Variants in PHC2 observed in about 807,000 individuals in gnomAD.
The protein encoded by PHC2 is polyhomeotic homolog 2.
PHC2 carries 29 observed loss-of-function variants against 87.4 expected under a neutral mutation model. That is an observed-to-expected ratio of 0.33 (90% CI 0.25 to 0.45). PHC2 has a LOEUF of 0.45. PHC2 is among the 20% of genes least tolerant of loss of function. The pLI is 1.00. For missense variants in PHC2, 857 were observed against 1,136.7 expected (o/e 0.75, Z 3.54); for synonymous variants, 438 against 461.7 (o/e 0.95, Z 0.66).
intron 1 of PHC2, among the ~76,000 whole-genome samples, chr1:33,400,408 A>T (rs112484581): frequency 6.6e-6 from 1 of 152,238 alleles, no homozygotes; most frequent in Admixed American, 6.5e-5. Flanking sequence ...CAGTACTAGG[A>T]GTAATAATAG....
chr1:33,341,916 A>C (rs1290562694), intron 9 of PHC2, among the ~76,000 whole-genome samples: 3 of 152,252 alleles, frequency 2.0e-5, no homozygotes, highest in African/African-American at 7.2e-5. Context: ...AAATCTGCTA[A>C]GGGCAGAGCT....
At chr1:33,387,353 T>C (rs1426515640) in intron 1 of PHC2, among the ~76,000 whole-genome samples, 1 of 152,070 alleles carries the variant, frequency 6.6e-6, no homozygotes, top group African/African-American at 2.4e-5. Flanking sequence ...TCCCTTGGAG[T>C]TTCCCTTTAC....
In PHC2 at chr1:33,364,065, A is replaced by G; in HGVS notation, c.976+3051T>C. The G allele has an allele frequency of 4.3e-6, 1 of 233,078 alleles. No homozygotes were observed. The highest frequency in any genetic ancestry group is 7.0e-6 in the Non-Finnish European group (1 of 141,996). The allele number at this position is 233,078 out of a possible 1,614,324, so 14.4% of individuals were successfully genotyped here. A position where few individuals can be genotyped will look rare whatever the true frequency, so the allele number is the denominator to read the frequency against. ...CTTTTCTATTTGCAGAGCCTGAAGA[A>G]GCCGGTTGCCAAGGTGACAGGAGCA... On this transcript the variant is annotated intron_variant, in intron 7 of 14. Transcript: ENST00000683057. This position sits in a 1 kb window ranked among gnomAD's most constrained non-coding sequence, Gnocchi z 4.1.
intron 5 of PHC2, among the ~76,000 whole-genome samples, 156 bp downstream of exon 5, chr1:33,370,265 A>G (rs1323059701): frequency 1.3e-5 from 2 of 151,872 alleles, no homozygotes; most frequent in African/African-American, 4.8e-5. Flanking sequence ...CAAAGCTCCC[A>G]CTCAGCCTTC....
chr1:33,398,272 G>T (rs565367732), intron 1 of PHC2, among the ~76,000 whole-genome samples: 122 of 152,318 alleles, frequency 8.0e-4, no homozygotes, highest in South Asian at 1.9e-3. Context: ...GTGTAATTAT[G>T]ATTTAAACCC....
At chr1:33,388,444 C>A (rs1220464686) in intron 1 of PHC2, among the ~76,000 whole-genome samples, 3 of 152,038 alleles carry the variant, frequency 2.0e-5, no homozygotes, top group Non-Finnish European at 2.9e-5. Flanking sequence ...CTGCCTCAGC[C>A]TCCCGAGTAG....
chr1:33,360,305 T>C (rs549116830), intron 7 of PHC2, among the ~76,000 whole-genome samples: 14 of 152,392 alleles, frequency 9.2e-5, no homozygotes, highest in African/African-American at 3.4e-4. Context: ...GTGTACAGGA[T>C]ACTTTGCTAA....
chr1:33,349,685 G>T lies in PHC2; in HGVS notation c.1558+4716C>A, dbSNP rs1348489765. ...CTCGCGCGGGGTCCCGGGCCCGGGC[G>T]GGCCGCCTCCTCTCCGCCGGGAGCC... On this transcript the variant is annotated intron_variant, in intron 9 of 14. Transcript: ENST00000683057. The surrounding 1 kb of genome is among the most constrained non-coding windows in gnomAD (Gnocchi z 4.2). 2.0e-6 allele frequency: 2 copies of T among 984,334 alleles called. No homozygotes were observed. The highest frequency in any genetic ancestry group is 6.2e-5 in the Admixed American group (1 of 16,010). The allele number at this position is 984,334 out of a possible 1,614,324, so 61.0% of individuals were successfully genotyped here.
At chr1:33,397,886 C>T (rs1649359045) in intron 1 of PHC2, among the ~76,000 whole-genome samples, 1 of 152,156 alleles carries the variant, frequency 6.6e-6, no homozygotes, top group Non-Finnish European at 1.5e-5. Flanking sequence ...CACAAGAAAT[C>T]GCAGACAGTG....
At chr1:33,380,162 T>C (rs1329239466) in intron 1 of PHC2, among the ~76,000 whole-genome samples, 1 of 152,244 alleles carries the variant, frequency 6.6e-6, no homozygotes, top group African/African-American at 2.4e-5. Flanking sequence ...CAATCACTTA[T>C]GTAAAGGATA....
intron 1 of PHC2, among the ~76,000 whole-genome samples, chr1:33,423,820 C>G (rs894994301): frequency 4.6e-5 from 7 of 152,048 alleles, no homozygotes; most frequent in African/African-American, 1.7e-4. Flanking sequence ...CTGAATAAGG[C>G]CGGGCACATG....
chr1:33,412,953 TTTTG>T (rs1469330542), intron 1 of PHC2, among the ~76,000 whole-genome samples: 10 of 151,748 alleles, frequency 6.6e-5, no homozygotes, highest in Admixed American at 2.0e-4. Flanking sequence ...CTTGTTTTTT[TTTTG>T]TTTGTTTGTT....
intron 1 of PHC2, among the ~76,000 whole-genome samples, chr1:33,410,951 G>C (rs1304235603): frequency 6.6e-6 from 1 of 152,038 alleles, no homozygotes; most frequent in Non-Finnish European, 1.5e-5. Context: ...ACTAACTATG[G>C]GGGTCCTTGT....
intron 7 of PHC2, among the ~76,000 whole-genome samples, chr1:33,356,785 C>T (rs926381507): frequency 3.3e-5 from 5 of 152,144 alleles, no homozygotes; most frequent in Admixed American, 2.0e-4. Context: ...CATCATGGCC[C>T]GTTCTCAATG....
chr1:33,325,966 A>G (rs1646362430), intron 14 of PHC2: 1 of 447,360 alleles, frequency 2.2e-6, no homozygotes, highest in African/African-American at 2.0e-5. Flanking sequence ...GGAGGCCTAA[A>G]GGAAAGTGAG....
At position 33,325,039 on chromosome 1, in the gene PHC2, G is replaced by C; in HGVS notation, c.2426-20C>G. On this transcript the variant is annotated intron_variant, in intron 14 of 14. Coordinates refer to ENST00000683057, the MANE Select transcript of PHC2 (RefSeq NM_001385109.1). ...GGCAGCCTGAGGGGGTACCACCAAA[G>C]ACAGTGTCAATCCAAGCCGCCAGTG... is the stretch of plus-strand genomic sequence containing the variant. 1 of 1,593,324 alleles carries C rather than the reference G, an allele frequency of 6.3e-7. No individual in the cohort carries two copies. Among genetic ancestry groups the C allele is most frequent in the Non-Finnish European group, 8.6e-7 (1 of 1,165,922 alleles).
Position 33,329,072 on chromosome 1 carries a change from G to A in PHC2, c.2223C>T (p.Cys741=). 6.2e-7 allele frequency: 1 copy of A among 1,614,204 alleles called. No homozygotes were observed. Among genetic ancestry groups the A allele is most frequent in the Middle Eastern group, 1.7e-4 (1 of 6,058 alleles). The change falls in exon 14 of 15, where the codon TGC becomes TGT. Residue 741 remains cysteine, a synonymous_variant. Coordinates refer to ENST00000683057, the MANE Select transcript of PHC2 (RefSeq NM_001385109.1). ...GTTCCTCATAGCTTGAGTTATCTGA[G>A]CAACGGCTGGAGTCTTCCTGGCTGT... The part of the protein sequence containing the change: ...LTHSQEDSSR[C]SDNSSYEEPL...
At chr1:33,425,698 C>G (rs1650641055) in intron 1 of PHC2, among the ~76,000 whole-genome samples, 1 of 152,176 alleles carries the variant, frequency 6.6e-6, no homozygotes, top group South Asian at 2.1e-4. Flanking sequence ...ATTTGTTACA[C>G]AGCAGTGGAT....
Position 33,349,958 on chromosome 1 carries a change from G to T in PHC2, c.1558+4443C>A. 2.4e-6 allele frequency: 1 copy of T among 417,522 alleles called. No individual in the cohort carries two copies. Among genetic ancestry groups the T allele is most frequent in the Non-Finnish European group, 3.2e-6 (1 of 312,562 alleles). The allele number at this position is 417,522 out of a possible 1,614,324, so 25.9% of individuals were successfully genotyped here. On this transcript the variant is annotated intron_variant, in intron 9 of 14. Transcript: ENST00000683057. The surrounding 1 kb of genome is among the most constrained non-coding windows in gnomAD (Gnocchi z 4.2). ...GCCGGGGGCGGGGCGAGGGAGCGGG[G>T]CGGGGAGGGGCGGGGCCGCGGGAGG...
Sources: allele counts gnomAD v4.1 joint callset (sites outside exome capture counted in the v4.1 genomes callset), GRCh38; gene constraint gnomAD v4.1.1; non-coding constraint Gnocchi (gnomAD v3.1); transcripts MANE v1.5; gene names NCBI Gene and HGNC (gene_info 2026-07-23, HGNC 2026-07-21).